XPO1: variants seen among roughly 807,000 people sequenced by gnomAD.
XPO1 encodes the protein exportin 1.
Under a neutral mutation model 133.3 loss-of-function variants are expected in XPO1, and 5 were observed. That is an observed-to-expected ratio of 0.04 (90% CI 0.02 to 0.08). The LOEUF is 0.08. Among genes scored for constraint, XPO1 ranks in the 10% least tolerant of loss-of-function variants. XPO1 has a pLI of 1.00. For missense variants in XPO1, 506 were observed against 1,267.5 expected (o/e 0.40, Z 9.12); for synonymous variants, 419 against 408.2 (o/e 1.03, Z -0.32).
intron 21 of XPO1, chr2:61,483,589 A>T (rs1696514567): frequency 5.3e-6 from 1 of 188,132 alleles, no homozygotes; most frequent in Non-Finnish European, 1.1e-5. Flanking sequence ...TTAAAAGCCT[A>T]TGGGAAAAAA....
chr2:61,526,263 A>C, intron 3 of XPO1, 157 bp downstream of exon 3: 2 of 1,434,560 alleles, frequency 1.4e-6, no homozygotes, highest in Non-Finnish European at 1.8e-6. Flanking sequence ...GACTATTTGC[A>C]AGAATTAATT....
At chr2:61,489,505 G>C (rs999342638) in intron 17 of XPO1, among the ~76,000 whole-genome samples, 1 of 150,818 alleles carries the variant, frequency 6.6e-6, no homozygotes, top group Non-Finnish European at 1.5e-5. Flanking sequence ...TGGTAAAAAC[G>C]AACACAAACG....
chr2:61,526,706 ATT>A lies in XPO1; in HGVS notation c.127-187_127-186del, dbSNP rs34463563. Among the ~76,000 whole-genome samples the A allele has an allele frequency of 5.3e-3, 710 of 134,896 alleles. 5 individuals carry two copies. Among genetic ancestry groups the A allele is most frequent in the African/African-American group, 0.012 (456 of 36,922 alleles). The allele number at this position is 134,896 out of a possible 152,430, so 88.5% of individuals were successfully genotyped here. A position where few individuals can be genotyped will look rare whatever the true frequency, so the allele number is the denominator to read the frequency against. On this transcript the variant is annotated intron_variant, in intron 2 of 24. Coordinates refer to ENST00000401558, the MANE Select transcript of XPO1 (RefSeq NM_003400.4). ...TAAAATTATATAAATATGACTCCCA[ATT>A]TTTTTTTTTTTTTTTTGAGACAGAG...
At chr2:61,510,180 G>A (rs1461577062) in intron 4 of XPO1, among the ~76,000 whole-genome samples, 3 of 152,156 alleles carry the variant, frequency 2.0e-5, no homozygotes, top group Non-Finnish European at 2.9e-5. Flanking sequence ...TGGAGGCTGA[G>A]GCACAAGAAT....
rs368378651 is a variant in XPO1, at chr2:61,502,230, C to T, written c.363+19G>A. On this transcript the variant is annotated intron_variant, in intron 5 of 24. Transcript: ENST00000401558. ...AATGATTTTATGCTCTCCCAATAAG[C>T]TCCAAAATAAACTCTTACCTCTACA... The T allele has an allele frequency of 4.4e-6, 7 of 1,607,924 alleles. No homozygotes were observed. Among genetic ancestry groups the T allele is most frequent in the African/African-American group, 1.3e-5 (1 of 74,578 alleles).
chr2:61,492,305 T>C lies in XPO1; in HGVS notation c.1723+20A>G, dbSNP rs765545841. ...CTTCAATAAAAATAAAAGCAAAATATAGTAAAGAAAGAGATTTACCATGCA... is the reference window on the plus strand; with the variant it reads ...CTTCAATAAAAATAAAAGCAAAATACAGTAAAGAAAGAGATTTACCATGCA... On this transcript the variant is annotated intron_variant, in intron 15 of 24. Transcript: ENST00000401558. The surrounding 1 kb of genome is among the most constrained non-coding windows in gnomAD (Gnocchi z 5.6). 11 of 1,582,838 alleles carry C rather than the reference T, an allele frequency of 6.9e-6. No homozygotes were observed. The highest frequency in any genetic ancestry group is 8.5e-6 in the Non-Finnish European group (10 of 1,171,016).
At chr2:61,537,164 A>C (rs1023736063) in intron 1 of XPO1, 2 of 151,976 alleles carry the variant, frequency 1.3e-5, no homozygotes, top group African/African-American at 4.8e-5. Flanking sequence ...TGCTGCACTA[A>C]ATATTTCTGG....
chr2:61,490,280 C>G (rs1404460746), intron 17 of XPO1, among the ~76,000 whole-genome samples: 1 of 150,360 alleles, frequency 6.7e-6, no homozygotes, highest in Non-Finnish European at 1.5e-5. Context: ...CTCACTGCAA[C>G]CTCTGCCTCT....
chr2:61,481,788 G>T (rs558876873), intron 23 of XPO1, among the ~76,000 whole-genome samples: 2 of 151,358 alleles, frequency 1.3e-5, no homozygotes, highest in Admixed American at 6.6e-5. Flanking sequence ...CCACACTGGA[G>T]TGCAGTGGCA....
intron 4 of XPO1, among the ~76,000 whole-genome samples, chr2:61,503,688 T>G (rs958963451): frequency 2.0e-5 from 3 of 152,154 alleles, no homozygotes; most frequent in Non-Finnish European, 2.9e-5. Context: ...CCTCCCAAAG[T>G]GCTGGGATTA....
At chr2:61,517,149 C>A (rs541998739) in intron 4 of XPO1, among the ~76,000 whole-genome samples, 9 of 152,278 alleles carry the variant, frequency 5.9e-5, no homozygotes, top group Middle Eastern at 3.4e-3. Flanking sequence ...GATCTGCCCA[C>A]CTCAGCCTCC....
intron 17 of XPO1, 44 bp from the exon 18 acceptor site, chr2:61,488,815 T>C: frequency 6.3e-7 from 1 of 1,599,970 alleles, no homozygotes; most frequent in Non-Finnish European, 8.5e-7. Flanking sequence ...ATAAGAATTA[T>C]CCACGGCTGG....
At chr2:61,512,322 T>C (rs1698135218) in intron 4 of XPO1, among the ~76,000 whole-genome samples, 1 of 152,200 alleles carries the variant, frequency 6.6e-6, no homozygotes, top group Non-Finnish European at 1.5e-5. Flanking sequence ...TACATTATCA[T>C]CTAGTTCTGA....
At chr2:61,536,511 A>G (rs1488831506) in intron 1 of XPO1, 1 of 152,288 alleles carries the variant, frequency 6.6e-6, no homozygotes, top group African/African-American at 2.4e-5. Flanking sequence ...AACCCAGAAA[A>G]TCATAACCGT....
chr2:61,490,247 A>T (rs1696911204), intron 17 of XPO1, among the ~76,000 whole-genome samples: 1 of 141,750 alleles, frequency 7.1e-6, no homozygotes, highest in Non-Finnish European at 1.5e-5. Context: ...CGTCTCGGCT[A>T]GAGAACAGTA....
chr2:61,479,931 C>G (rs1228924201), intron 24 of XPO1, among the ~76,000 whole-genome samples: 1 of 152,068 alleles, frequency 6.6e-6, no homozygotes, highest in South Asian at 2.1e-4. Flanking sequence ...GTGTTATGAT[C>G]TCAGCTCACT....
chr2:61,509,094 G>A (rs1017130946), intron 4 of XPO1, among the ~76,000 whole-genome samples: 8 of 152,054 alleles, frequency 5.3e-5, no homozygotes, highest in African/African-American at 1.9e-4. Context: ...TCCACCTCCC[G>A]AGTTCAAGCG....
intron 24 of XPO1, among the ~76,000 whole-genome samples, chr2:61,479,896 GCT>G (rs1248038206): frequency 1.3e-5 from 2 of 151,610 alleles, no homozygotes; most frequent in South Asian, 2.1e-4. Flanking sequence ...AGGCAGTCTT[GCT>G]CTGTCGCCCA....
rs750023989 is a variant in XPO1 at position 61,492,495 on chromosome 2, A to G, written c.1567-14T>C. 3.8e-6 allele frequency: 6 copies of G among 1,587,178 alleles called. No homozygotes were observed. In the East Asian group the frequency reaches 1.1e-4, roughly 30 times the overall value. The stretch of plus-strand genomic sequence containing the variant: ...TCCTAATAGATCCTGTAAATAAGAC[A>G]AATTTGTATTATTTATTGTAACAAC... On this transcript the variant is annotated splice_polypyrimidine_tract_variant and intron_variant, in intron 14 of 24. Transcript: ENST00000401558. This position sits in a 1 kb window ranked among gnomAD's most constrained non-coding sequence, Gnocchi z 5.6.
Sources: allele counts gnomAD v4.1 joint callset (sites outside exome capture counted in the v4.1 genomes callset), GRCh38; gene constraint gnomAD v4.1.1; non-coding constraint Gnocchi (gnomAD v3.1); transcripts MANE v1.5; gene names NCBI Gene and HGNC (gene_info 2026-07-23, HGNC 2026-07-21).